The following ZNF423 variants were observed in gnomAD, a reference collection of about 807,000 sequenced individuals.
ZNF423 encodes the protein Ebf-associated zinc finger protein.
ZNF423 carries 12 observed loss-of-function variants against 95.8 expected under a neutral mutation model. That is an observed-to-expected ratio of 0.13 (90% CI 0.08 to 0.20). ZNF423 has a LOEUF of 0.20. Ranked by LOEUF, ZNF423 falls within the 10% of genes least tolerant of loss-of-function variation. The pLI, the probability that ZNF423 is intolerant of heterozygous loss-of-function variation, is 1.00. For missense variants in ZNF423, 1,316 were observed against 1,737.1 expected (o/e 0.76, Z 4.31); for synonymous variants, 749 against 711.9 (o/e 1.05, Z -0.83).
chr16:49,831,526 A>G (rs1238139400), intron 1 of ZNF423, among the ~76,000 whole-genome samples: 1 of 152,142 alleles, frequency 6.6e-6, no homozygotes, highest in Non-Finnish European at 1.5e-5. Context: ...TATTAGCTGG[A>G]GCTGCTGTGA....
At chr16:49,495,973 C>A (rs982196871) in intron 7 of ZNF423, among the ~76,000 whole-genome samples, 1 of 152,340 alleles carries the variant, frequency 6.6e-6, no homozygotes, top group Admixed American at 6.5e-5. Flanking sequence ...ATGCCAGCAG[C>A]ATAAAGCAAA....
At chr16:49,696,049 C>T (rs889338072) in intron 3 of ZNF423, among the ~76,000 whole-genome samples, 1 of 152,226 alleles carries the variant, frequency 6.6e-6, no homozygotes, top group African/African-American at 2.4e-5. Context: ...GATAGGTTTA[C>T]TCAGCTTCTT....
At chr16:49,496,274 T>C (rs952737305) in intron 7 of ZNF423, among the ~76,000 whole-genome samples, 1 of 152,224 alleles carries the variant, frequency 6.6e-6, no homozygotes, top group Admixed American at 6.5e-5. Context: ...AAGATGCTGA[T>C]AGGGTTTGGA....
chr16:49,639,260 G>A (rs547332590), intron 3 of ZNF423, among the ~76,000 whole-genome samples: 1 of 152,214 alleles, frequency 6.6e-6, no homozygotes, highest in East Asian at 1.9e-4. Context: ...AGGAAGACAA[G>A]TCCTGTCACT....
intron 5 of ZNF423, among the ~76,000 whole-genome samples, chr16:49,531,741 T>A (rs1289356428): frequency 6.6e-6 from 1 of 151,814 alleles, no homozygotes; most frequent in Non-Finnish European, 1.5e-5. Context: ...GTCTGAGGAG[T>A]GTCCCTTGTC....
intron 3 of ZNF423, among the ~76,000 whole-genome samples, chr16:49,722,006 C>T (rs953878255): frequency 2.0e-5 from 3 of 152,166 alleles, no homozygotes; most frequent in Admixed American, 6.5e-5. Context: ...CTGCAACCTG[C>T]GGACTTCGCA....
intron 5 of ZNF423, among the ~76,000 whole-genome samples, chr16:49,598,772 A>AG (rs1389825313): frequency 6.6e-6 from 1 of 152,266 alleles, no homozygotes; most frequent in Admixed American, 6.5e-5. Context: ...GGAAATATCC[A>AG]GGGAAAAACT....
At chr16:49,669,458 T>G (rs1371847216) in intron 3 of ZNF423, among the ~76,000 whole-genome samples, 1 of 152,210 alleles carries the variant, frequency 6.6e-6, no homozygotes, top group Non-Finnish European at 1.5e-5. Context: ...TTCTTTCAGA[T>G]GCAGCAGGAC....
At chr16:49,729,894 G>C (rs2033119685) in intron 3 of ZNF423, among the ~76,000 whole-genome samples, 1 of 152,036 alleles carries the variant, frequency 6.6e-6, no homozygotes, top group South Asian at 2.1e-4. Context: ...CAAGTGATGG[G>C]TTCCCTTTAG....
Position 49,635,534 on chromosome 16 carries a change from C to T in ZNF423, c.3516+126G>A. 1.6e-6 allele frequency: 2 copies of T among 1,262,752 alleles called. No homozygotes were observed. Among genetic ancestry groups the T allele is most frequent in the Non-Finnish European group, 2.1e-6 (2 of 942,958 alleles). 78.2% of individuals were successfully genotyped at this position (1,262,752 alleles called of 1,614,324 possible). ...TCAAGGAGTCTACAGCACAGCAGTT[C>T]TGTTTTGCCACTGCGCGATAGCGCC... On this transcript the variant is annotated intron_variant, in intron 4 of 7. Transcript: ENST00000563137. This position sits in a 1 kb window ranked among gnomAD's most constrained non-coding sequence, Gnocchi z 4.8.
At chr16:49,656,026 G>T (rs1334209868) in intron 3 of ZNF423, among the ~76,000 whole-genome samples, 2 of 139,316 alleles carry the variant, frequency 1.4e-5, no homozygotes, top group African/African-American at 5.5e-5. Context: ...CCCCCACCCT[G>T]GCTACCTAGG....
At chr16:49,601,391 G>A (rs1347472423) in intron 5 of ZNF423, among the ~76,000 whole-genome samples, 1 of 152,210 alleles carries the variant, frequency 6.6e-6, no homozygotes, top group Non-Finnish European at 1.5e-5. Context: ...TTAGAACAGG[G>A]CCTGGCATAT....
intron 5 of ZNF423, among the ~76,000 whole-genome samples, chr16:49,579,296 C>T (rs998552464): frequency 4.0e-5 from 6 of 151,236 alleles, no homozygotes; most frequent in African/African-American, 1.5e-4. Context: ...CACACATGCC[C>T]ACTGACCAGA....
rs942005607 is a variant in ZNF423, at chr16:49,808,307, C to T, written c.41-18761G>A. 5.3e-5 allele frequency among the ~76,000 whole-genome samples: 8 copies of T among 152,154 alleles called. No homozygotes were observed. In the South Asian group the frequency reaches 6.2e-4, roughly 12 times the overall value. The stretch of plus-strand genomic sequence containing the variant: ...GAACTCCTGGCCTCAAGCAATTCTC[C>T]TGCCTTGGCCCCTGGAAGCACTGGG... On this transcript the variant is annotated intron_variant, in intron 1 of 7. Coordinates refer to ENST00000563137, the MANE Select transcript of ZNF423 (RefSeq NM_001379286.1).
intron 1 of ZNF423, among the ~76,000 whole-genome samples, chr16:49,825,654 A>G (rs1367379521): frequency 1.3e-5 from 2 of 152,212 alleles, no homozygotes; most frequent in Non-Finnish European, 2.9e-5. Context: ...TTTTCTAAGA[A>G]GTCTAATATG....
At chr16:49,826,924 T>C (rs1227354231) in intron 1 of ZNF423, 1 of 152,160 alleles carries the variant, frequency 6.6e-6, no homozygotes, top group Non-Finnish European at 1.5e-5. Context: ...CAAAGGGACA[T>C]GATAAAATGA....
chr16:49,616,574 G>C (rs181823321), intron 5 of ZNF423, among the ~76,000 whole-genome samples: 27 of 152,066 alleles, frequency 1.8e-4, no homozygotes, highest in Admixed American at 1.5e-3. Flanking sequence ...TGCCTGTATC[G>C]AAAGATCTCA....
intron 5 of ZNF423, among the ~76,000 whole-genome samples, chr16:49,600,822 T>C (rs1038117657): frequency 6.6e-6 from 1 of 152,108 alleles, no homozygotes; most frequent in Non-Finnish European, 1.5e-5. Flanking sequence ...TACTAATGAC[T>C]ACCACATTGC....
chr16:49,575,533 C>T (rs1259998034), intron 5 of ZNF423, among the ~76,000 whole-genome samples: 1 of 152,132 alleles, frequency 6.6e-6, no homozygotes, highest in Admixed American at 6.5e-5. Flanking sequence ...AGTGGCTGCC[C>T]CAGTCCTCGT....
Sources: allele counts gnomAD v4.1 joint callset (sites outside exome capture counted in the v4.1 genomes callset), GRCh38; gene constraint gnomAD v4.1.1; non-coding constraint Gnocchi (gnomAD v3.1); transcripts MANE v1.5; gene names NCBI Gene and HGNC (gene_info 2026-07-23, HGNC 2026-07-21).